Variants in SLC38A8 observed in about 807,000 individuals in gnomAD.
SLC38A8 encodes amino acid transporter SLC38A8.
Under a neutral mutation model 46.0 loss-of-function variants are expected in SLC38A8, and 65 were observed. The ratio of observed to expected loss-of-function variants is 1.41; its 90% CI spans 1.16 to 1.74. The LOEUF is 1.74. SLC38A8 is among the 40% of genes most tolerant of loss of function. The pLI, the probability that SLC38A8 is intolerant of heterozygous loss-of-function variation, is 0.00. For missense variants in SLC38A8, 998 were observed against 567.9 expected (o/e 1.76, Z -7.70); for synonymous variants, 447 against 243.7 (o/e 1.83, Z -7.77).
intron 1 of SLC38A8, among the ~76,000 whole-genome samples, 195 bp from the exon 2 acceptor site, chr16:84,042,354 C>T (rs1371671085): frequency 6.6e-6 from 1 of 152,140 alleles, no homozygotes; most frequent in Non-Finnish European, 1.5e-5. Context: ...CTTCGTCTCC[C>T]ATTCCCTACC....
At chr16:84,029,244 T>C (rs1261666356) in intron 6 of SLC38A8, among the ~76,000 whole-genome samples, 1 of 152,170 alleles carries the variant, frequency 6.6e-6, no homozygotes, top group African/African-American at 2.4e-5. Flanking sequence ...GGTGCTGCTT[T>C]TGGCCATCAG....
intron 7 of SLC38A8, among the ~76,000 whole-genome samples, chr16:84,022,489 GGT>G (rs935279161): frequency 1.3e-5 from 2 of 152,206 alleles, no homozygotes; most frequent in African/African-American, 4.8e-5. Context: ...GCTGGGGTGT[GGT>G]GTGTCAGAGC....
chr16:84,016,841 C>G, intron 8 of SLC38A8, 114 bp from the exon 9 acceptor site: 5 of 1,212,322 alleles, frequency 4.1e-6, no homozygotes, highest in Non-Finnish European at 5.7e-6. Context: ...GCTCCTGTTC[C>G]ACACTCAGGT....
At chr16:84,019,262 A>C (rs2085068785) in intron 7 of SLC38A8, among the ~76,000 whole-genome samples, 1 of 151,746 alleles carries the variant, frequency 6.6e-6, no homozygotes, top group South Asian at 2.1e-4. Context: ...TTTTAGTAGA[A>C]ACGGGGTTTC....
chr16:84,018,164 C>CTTCAG (rs1424937893), intron 7 of SLC38A8, among the ~76,000 whole-genome samples: 6 of 148,336 alleles, frequency 4.0e-5, no homozygotes, highest in Admixed American at 2.7e-4. Flanking sequence ...TGGGGACTGT[C>CTTCAG]TTCAGAGGTG....
intron 2 of SLC38A8, among the ~76,000 whole-genome samples, chr16:84,038,502 A>G (rs969135239): frequency 3.3e-5 from 5 of 152,170 alleles, no homozygotes; most frequent in Non-Finnish European, 5.9e-5. Flanking sequence ...TGCAGATCCC[A>G]GTGTACATCC....
At chr16:84,032,690 G>C (rs539552967) in intron 4 of SLC38A8, among the ~76,000 whole-genome samples, 27 of 152,362 alleles carry the variant, frequency 1.8e-4, no homozygotes, top group Admixed American at 1.6e-3. Flanking sequence ...CCTGAGGGAG[G>C]CTCGGGTTTG....
At position 84,009,897 on chromosome 16, in the gene SLC38A8, A is replaced by T; in HGVS notation, c.1215-20T>A. ...CAGCACCTGCCAAGTGAATAAACCC[A>T]TGTCAGAGCTTTTCTGGATTTTTGC... is the stretch of plus-strand genomic sequence containing the variant. On this transcript the variant is annotated intron_variant, in intron 10 of 10. Coordinates refer to ENST00000299709, the MANE Select transcript of SLC38A8 (RefSeq NM_001080442.3). The T allele has an allele frequency of 6.2e-7, 1 of 1,605,328 alleles. No individual in the cohort carries two copies. Among genetic ancestry groups the T allele is most frequent in the East Asian group, 2.2e-5 (1 of 44,788 alleles).
At chr16:84,010,445 T>C (rs925980952) in intron 10 of SLC38A8, among the ~76,000 whole-genome samples, 1 of 151,878 alleles carries the variant, frequency 6.6e-6, no homozygotes, top group African/African-American at 2.4e-5. Context: ...TTTTATCAAA[T>C]AAAAAGACAT....
rs577119936 is a variant in SLC38A8 at position 84,039,189 on chromosome 16, C to T, written c.190-2289G>A. On this transcript the variant is annotated intron_variant, in intron 2 of 10. Coordinates refer to ENST00000299709, the MANE Select transcript of SLC38A8 (RefSeq NM_001080442.3). ...GAAGAGCCTTTGGAGGGAGCGAAGC[C>T]CTGCTGACACCTTCATGTCAGATTC... is the stretch of plus-strand genomic sequence containing the variant. Among the ~76,000 whole-genome samples, 6 of 152,210 alleles carry T rather than the reference C, an allele frequency of 3.9e-5. No individual in the cohort carries two copies. The East Asian group carries it at 9.7e-4, about 25-fold the overall frequency.
Position 84,021,075 on chromosome 16 carries a change from G to A in SLC38A8, c.805+1700C>T, listed in dbSNP as rs145081221. ...AGTTCATCCTTTTTTGCCGGCAGGGGAGGGATGACAGAGTCTCATTCTTGT... is the reference window on the plus strand; with the variant it reads ...AGTTCATCCTTTTTTGCCGGCAGGGAAGGGATGACAGAGTCTCATTCTTGT... On this transcript the variant is annotated intron_variant, in intron 7 of 10. Transcript: ENST00000299709. Among the ~76,000 whole-genome samples, 376 of 152,116 alleles carry A rather than the reference G, an allele frequency of 2.5e-3. 1 individual carries two copies. The highest frequency in any genetic ancestry group is 4.2e-3 in the Non-Finnish European group (286 of 67,988).
chr16:84,010,395 G>A (rs572751864), intron 10 of SLC38A8, among the ~76,000 whole-genome samples: 5 of 151,946 alleles, frequency 3.3e-5, no homozygotes, highest in South Asian at 2.1e-4. Flanking sequence ...AAAGCCCTCC[G>A]ATCCCACCTG....
intron 4 of SLC38A8, 108 bp downstream of exon 4, chr16:84,033,220 A>G (rs1567701464): frequency 1.4e-6 from 2 of 1,478,354 alleles, no homozygotes; most frequent in Non-Finnish European, 1.8e-6. Context: ...CCCCTTCTCC[A>G]AATGTGAAGG....
At chr16:84,010,218 A>T (rs2084938096) in intron 10 of SLC38A8, among the ~76,000 whole-genome samples, 1 of 151,308 alleles carries the variant, frequency 6.6e-6, no homozygotes, top group African/African-American at 2.4e-5. Flanking sequence ...CTACAGACAC[A>T]CACGATGACA....
chr16:84,012,147 A>G (rs781725871), intron 10 of SLC38A8, among the ~76,000 whole-genome samples: 2 of 152,230 alleles, frequency 1.3e-5, no homozygotes, highest in African/African-American at 4.8e-5. Context: ...ATTTGTTACA[A>G]TAACCCCATA....
At position 84,033,395 on chromosome 16, in the gene SLC38A8, G is replaced by A; in HGVS notation, c.463C>T (p.Leu155=). The change falls in exon 4 of 11, where the codon CTG becomes TTG. Residue 155 remains leucine (L), a synonymous_variant. Coordinates refer to ENST00000299709, the MANE Select transcript of SLC38A8 (RefSeq NM_001080442.3). Reference sequence around the variant, plus strand: ...GGCAGGATGACCAGCACGGAGAGCAGGGGCAGGGTGAAGCGCTGGTCTGCG... The same window carrying A: ...GGCAGGATGACCAGCACGGAGAGCAAGGGCAGGGTGAAGCGCTGGTCTGCG... ...WYADQRFTLP[L]LSVLVILPLS... The A allele has an allele frequency of 1.2e-6, 2 of 1,614,010 alleles. No homozygotes were observed. The highest frequency in any genetic ancestry group is 8.5e-7 in the Non-Finnish European group (1 of 1,179,974).
rs186466513 is a variant in SLC38A8 at position 84,019,126 on chromosome 16, T to G, written c.806-1839A>C. On this transcript the variant is annotated intron_variant, in intron 7 of 10. Coordinates refer to ENST00000299709, the MANE Select transcript of SLC38A8 (RefSeq NM_001080442.3). The stretch of plus-strand genomic sequence containing the variant: ...GATGGAGTCTGTCACCCAGGCTGGA[T>G]TGCAGTGGCACAATCTCGACTCACT... Among the ~76,000 whole-genome samples, 5 of 151,896 alleles carry G rather than the reference T, an allele frequency of 3.3e-5. No individual in the cohort carries two copies. The South Asian group carries it at 1.0e-3, about 32-fold the overall frequency.
chr16:84,023,724 T>C (rs1167936319), intron 6 of SLC38A8, among the ~76,000 whole-genome samples: 2 of 152,074 alleles, frequency 1.3e-5, no homozygotes, highest in Admixed American at 1.3e-4. Context: ...CAAAATTCCA[T>C]CTCTACTTAA....
rs371833807 is a variant in SLC38A8 at position 84,009,720 on chromosome 16, G to A, written c.*64C>T. On this transcript the variant is annotated 3_prime_UTR_variant, in exon 11 of 11. Coordinates refer to ENST00000299709, the MANE Select transcript of SLC38A8 (RefSeq NM_001080442.3). Reference sequence around the variant, plus strand: ...AAGAAATGGCATCGGTCTCCTGGCTGCATACAGCAGCCACGTAGGGTCAGC... The same window carrying A: ...AAGAAATGGCATCGGTCTCCTGGCTACATACAGCAGCCACGTAGGGTCAGC... The A allele has an allele frequency of 7.3e-4, 1,015 of 1,398,704 alleles. 19 individuals carry two copies. The South Asian group carries it at 0.012, about 16-fold the overall frequency. The allele number at this position is 1,398,704 out of a possible 1,614,324, so 86.6% of individuals were successfully genotyped here. A position where few individuals can be genotyped will look rare whatever the true frequency, so the allele number is the denominator to read the frequency against.
Sources: gnomAD v4.1 joint callset for allele counts (sites outside exome capture counted in the v4.1 genomes callset) on GRCh38, gnomAD v4.1.1 for gene constraint, MANE v1.5 for transcripts, NCBI Gene and HGNC (gene_info 2026-07-23, HGNC 2026-07-21) for gene names.